The following CAST variants were observed in gnomAD, a reference collection of about 807,000 sequenced individuals.
The protein encoded by CAST is MIR583 host.
CAST carries 76 observed loss-of-function variants against 119.6 expected under a neutral mutation model. The ratio of observed to expected loss-of-function variants is 0.64; its 90% confidence interval spans 0.53 to 0.77. The LOEUF (loss-of-function observed/expected upper bound fraction) is 0.77, where lower values mean the gene tolerates loss of function less well. Ranked by LOEUF, CAST falls within the 30% of genes least tolerant of loss-of-function variation. The probability of loss-of-function intolerance (pLI) is 0.00; values close to 1 mark genes in which losing one functional copy is unlikely to be tolerated. For synonymous variants in CAST, 319 were observed against 331.6 expected (o/e 0.96, Z 0.41); for missense variants, 953 against 946.5 (o/e 1.01, Z -0.09).
the CAST span, among the ~76,000 whole-genome samples, chr5:96,310,828 T>C: frequency 6.6e-6 from 1 of 151,360 alleles, no homozygotes; most frequent in Non-Finnish European, 1.5e-5. Context: ...TCTTGGTTAG[T>C]CTAGCCAAAG....
chr5:96,378,195 T>C, the CAST span, among the ~76,000 whole-genome samples: 1 of 152,110 alleles, frequency 6.6e-6, no homozygotes, highest in African/African-American at 2.4e-5. Context: ...GAGATGTCAG[T>C]CAAAAGATAT....
the CAST span, among the ~76,000 whole-genome samples, chr5:96,355,939 A>G: frequency 1.3e-3 from 201 of 152,184 alleles, 1 homozygote; most frequent in African/African-American, 4.5e-3. Context: ...TGACCTCATG[A>G]TCTGCCCAGC....
upstream of CAST, among the ~76,000 whole-genome samples, chr5:96,657,769 T>C (rs528566894): frequency 6.6e-6 from 1 of 152,300 alleles, no homozygotes; most frequent in African/African-American, 2.4e-5. Context: ...AAAATATAAC[T>C]TGATTTCCAG....
intron 22 of CAST, among the ~76,000 whole-genome samples, chr5:96,757,223 GC>G (rs1246933430): frequency 2.0e-5 from 3 of 152,166 alleles, no homozygotes; most frequent in Non-Finnish European, 2.9e-5. Flanking sequence ...CCAGTGTGCA[GC>G]CCCCGTGACT....
intron 19 of CAST, among the ~76,000 whole-genome samples, chr5:96,749,783 T>A (rs1473606738): frequency 6.6e-6 from 1 of 152,212 alleles, no homozygotes; most frequent in Non-Finnish European, 1.5e-5. Context: ...TGGACTCCAG[T>A]GATCCACCCT....
chr5:95,961,732 C>A, the CAST span: 65 of 1,593,936 alleles, frequency 4.1e-5, no homozygotes, highest in Middle Eastern at 1.4e-3. Context: ...CTTAAACTCC[C>A]CGGGGTGCCG....
intron 8 of CAST, 33 bp downstream of exon 8, chr5:96,729,758 C>A (rs766962126): frequency 1.1e-6 from 1 of 891,068 alleles, no homozygotes; most frequent in East Asian, 2.4e-5. Context: ...AAAACCTTAA[C>A]ATCAACTGGA....
chr5:96,359,888 C>A, the CAST span, among the ~76,000 whole-genome samples: 1 of 152,202 alleles, frequency 6.6e-6, no homozygotes, highest in African/African-American at 2.4e-5. Flanking sequence ...CTGTCTTGCC[C>A]GGTTGGGGAA....
intron 1 of CAST, among the ~76,000 whole-genome samples, chr5:96,580,773 G>T (rs759054623): frequency 5.3e-5 from 8 of 152,214 alleles, no homozygotes; most frequent in Non-Finnish European, 1.0e-4. Flanking sequence ...GGCAAGGCAA[G>T]GTAGTAAGAA....
chr5:96,108,445 C>G, the CAST span, among the ~76,000 whole-genome samples: 57 of 149,950 alleles, frequency 3.8e-4, 1 homozygote, highest in East Asian at 6.6e-3. Flanking sequence ...TTCTAACAGA[C>G]AGGACCCTCA....
At chr5:96,731,788 T>C (rs1760585397) in intron 9 of CAST, among the ~76,000 whole-genome samples, 1 of 151,006 alleles carries the variant, frequency 6.6e-6, no homozygotes, top group Admixed American at 6.6e-5. Context: ...TTACTGAGAA[T>C]GATGATTTCC....
chr5:96,175,765 GT>G, the CAST span, among the ~76,000 whole-genome samples: 1 of 152,224 alleles, frequency 6.6e-6, no homozygotes. Context: ...CTTCCACTCA[GT>G]GAGATAGAGC....
the CAST span, among the ~76,000 whole-genome samples, chr5:96,175,142 A>T: frequency 6.6e-6 from 1 of 152,224 alleles, no homozygotes; most frequent in East Asian, 1.9e-4. Context: ...ATACTAAGAA[A>T]ATGTAATATA....
chr5:96,080,992 C>T, the CAST span, among the ~76,000 whole-genome samples: 1 of 152,168 alleles, frequency 6.6e-6, no homozygotes, highest in Non-Finnish European at 1.5e-5. Flanking sequence ...GAAGAGATGG[C>T]ACTTTCTTTT....
chr5:96,484,204 C>T, the CAST span, among the ~76,000 whole-genome samples: 1 of 152,120 alleles, frequency 6.6e-6, no homozygotes, highest in African/African-American at 2.4e-5. Context: ...AAGCCTACTC[C>T]TCTCTTATAC....
chr5:96,426,795 T>C, the CAST span, among the ~76,000 whole-genome samples: 3 of 152,184 alleles, frequency 2.0e-5, no homozygotes, highest in African/African-American at 7.2e-5. Flanking sequence ...AGAGTACTCA[T>C]GAATCAGCTC....
At chr5:96,249,474 A>G in the CAST span, among the ~76,000 whole-genome samples, 1 of 152,212 alleles carries the variant, frequency 6.6e-6, no homozygotes. Flanking sequence ...TAGATATTCA[A>G]TTTAAAGCAT....
At chr5:95,976,963 T>A in the CAST span, among the ~76,000 whole-genome samples, 1 of 152,332 alleles carries the variant, frequency 6.6e-6, no homozygotes, top group South Asian at 2.1e-4. Flanking sequence ...GGCAAGTTAT[T>A]TAACCTCTCT....
the CAST span, among the ~76,000 whole-genome samples, chr5:96,234,814 TTGTGTATG>T: frequency 9.2e-5 from 14 of 151,960 alleles, 2 homozygotes; most frequent in African/African-American, 2.4e-4. Flanking sequence ...TGTGTGTGGG[TTGTGTATG>T]TGTGTATGTG....
Sources: allele counts gnomAD v4.1 joint callset (sites outside exome capture counted in the v4.1 genomes callset), GRCh38; gene constraint gnomAD v4.1.1; transcripts MANE v1.5; gene names NCBI Gene and HGNC (gene_info 2026-07-23, HGNC 2026-07-21).